The following MOK variants were observed in gnomAD, a reference collection of about 807,000 sequenced individuals.
MOK encodes the protein MAPK/MAK/MRK overlapping kinase.
A neutral mutation model predicts 54.2 loss-of-function variants in MOK; 59 were observed. The observed-to-expected ratio is 1.09, with a 90% CI of 0.88 to 1.35. The LOEUF (loss-of-function observed/expected upper bound fraction) is 1.35. Ranked by LOEUF, MOK falls within the 40% of genes most tolerant of loss-of-function variation. The pLI, the probability that MOK is intolerant of heterozygous loss-of-function variation, is 0.00. For missense variants in MOK, 517 were observed against 526.2 expected, an observed-to-expected ratio of 0.98 and a Z score of 0.17; for synonymous variants, 210 against 202.7, an observed-to-expected ratio of 1.04 and a Z score of -0.31.
rs189181986 is a variant in MOK at position 102,297,081 on chromosome 14, G to A, written c.7+7881C>T. Among the ~76,000 whole-genome samples, 15 of 146,000 alleles carry A rather than the reference G, an allele frequency of 1.0e-4. 1 individual carries two copies. Among genetic ancestry groups the A allele is most frequent in the Non-Finnish European group, 2.1e-4 (14 of 66,794 alleles). On this transcript the variant is annotated intron_variant, in intron 1 of 11. Coordinates refer to ENST00000361847, the MANE Select transcript of MOK (RefSeq NM_014226.3). The stretch of plus-strand genomic sequence containing the variant: ...TCAAAAAATAATAATAAATAGGCTG[G>A]GCACGGTGACTCACGCCTGTAATAC...
Position 102,242,541 on chromosome 14 carries a change from T to TAAGGG in MOK, c.590+8270_590+8271insCCCTT, listed in dbSNP as rs551967074. On this transcript the variant is annotated intron_variant, in intron 7 of 11. Transcript: ENST00000361847. ...ACCTCTACTCTCCCCTGGCAACTGA[T>TAAGGG]CACACACCCCTTACTATCCCATTAA... 5.9e-4 allele frequency among the ~76,000 whole-genome samples: 89 copies of TAAGGG among 151,968 alleles called. 1 individual carries two copies. Among genetic ancestry groups the TAAGGG allele is most frequent in the African/African-American group, 2.1e-3 (86 of 41,408 alleles).
At chr14:102,280,685 A>G (rs1239974357) in intron 2 of MOK, 1 of 152,218 alleles carries the variant, frequency 6.6e-6, no homozygotes, top group Non-Finnish European at 1.5e-5. Flanking sequence ...CTTAGTCGTC[A>G]AGCACTATGA....
the MOK span, chr14:102,214,755 G>A: frequency 1.1e-5 from 11 of 978,828 alleles, no homozygotes; most frequent in Non-Finnish European, 1.2e-5. Flanking sequence ...ATTTCATAAA[G>A]AGCCTTCCTA....
At chr14:102,271,448 C>A (rs1035690375) in intron 2 of MOK, among the ~76,000 whole-genome samples, 2 of 152,094 alleles carry the variant, frequency 1.3e-5, no homozygotes, top group African/African-American at 4.8e-5. Flanking sequence ...TGAATTATTT[C>A]AAACATTTAA....
chr14:102,299,167 GAAA>G (rs112937903), intron 1 of MOK, among the ~76,000 whole-genome samples: 2 of 146,480 alleles, frequency 1.4e-5, no homozygotes, highest in African/African-American at 2.5e-5. Flanking sequence ...TTCCATGGCG[GAAA>G]AAAAAAAAGA....
At chr14:102,255,440 G>GT (rs1166070882) in intron 4 of MOK, among the ~76,000 whole-genome samples, 2 of 152,202 alleles carry the variant, frequency 1.3e-5, no homozygotes, top group African/African-American at 4.8e-5. Context: ...TCAGTCCCAG[G>GT]TAAGAGTCCT....
chr14:102,257,903 G>A (rs2067097476), intron 4 of MOK, among the ~76,000 whole-genome samples: 2 of 151,778 alleles, frequency 1.3e-5, no homozygotes, highest in South Asian at 4.2e-4. Flanking sequence ...CTTGAATCCG[G>A]GAGGCAGAGG....
intron 4 of MOK, 62 bp downstream of exon 4, chr14:102,263,484 C>G (rs1022834134): frequency 8.6e-6 from 10 of 1,167,368 alleles, no homozygotes; most frequent in Non-Finnish European, 1.2e-5. Flanking sequence ...AATAACTAAG[C>G]ATATATGAAT....
the MOK span, among the ~76,000 whole-genome samples, chr14:102,218,990 G>A: frequency 6.6e-6 from 1 of 152,214 alleles, no homozygotes; most frequent in African/African-American, 2.4e-5. Context: ...GAAGGACAGG[G>A]TAAAACCCCA....
chr14:102,293,714 AAAAAAAAAAAAAG>A (rs1799838032), intron 1 of MOK, among the ~76,000 whole-genome samples: 3 of 150,546 alleles, frequency 2.0e-5, no homozygotes, highest in African/African-American at 7.3e-5. Context: ...AAAAAAAAAA[AAAAAAAAAAAAAG>A]AAAAGAAAAG....
chr14:102,289,660 T>G (rs2070532725), intron 1 of MOK, among the ~76,000 whole-genome samples: 1 of 152,062 alleles, frequency 6.6e-6, no homozygotes, highest in Non-Finnish European at 1.5e-5. Flanking sequence ...AAGCTAATTT[T>G]TGTATTTTTA....
rs751374158 is a variant in MOK at position 102,305,032 on chromosome 14, G to A, written c.-64C>T. ...TGGACGGAAAAGAAAGAAGCAGGAA[G>A]GTTGTCCCCCTGCTTTCCACTTCCC... On this transcript the variant is annotated 5_prime_UTR_variant, in exon 1 of 12. Transcript: ENST00000361847. The A allele has an allele frequency of 3.8e-6, 6 of 1,581,452 alleles. No individual in the cohort carries two copies. The Admixed American group carries it at 5.4e-5, about 14-fold the overall frequency.
downstream of MOK, among the ~76,000 whole-genome samples, chr14:102,220,943 T>C (rs1389421661): frequency 6.6e-6 from 1 of 152,032 alleles, no homozygotes; most frequent in Admixed American, 6.5e-5. This position sits in a 1 kb window ranked among gnomAD's most constrained non-coding sequence, Gnocchi z 4.2. Flanking sequence ...GCTAATTTTG[T>C]ATTAGTAGAG....
intron 3 of MOK, among the ~76,000 whole-genome samples, chr14:102,264,881 G>C (rs2067775104): frequency 6.6e-6 from 1 of 152,208 alleles, no homozygotes; most frequent in South Asian, 2.1e-4. Flanking sequence ...CCCTCTCAGA[G>C]TGTCAGTGCC....
intron 1 of MOK, among the ~76,000 whole-genome samples, chr14:102,296,208 T>C (rs1166837841): frequency 7.0e-6 from 1 of 143,292 alleles, no homozygotes; most frequent in East Asian, 2.0e-4. Context: ...ATCACGCCAC[T>C]GCACTCCAGC....
Position 102,305,130 on chromosome 14 carries a change from T to A in MOK, c.-162A>T, listed in dbSNP as rs1437211408. 4.7e-6 allele frequency: 4 copies of A among 845,572 alleles called. No homozygotes were observed. Among genetic ancestry groups the A allele is most frequent in the Non-Finnish European group, 5.8e-6 (3 of 517,838 alleles). The allele number at this position is 845,572 out of a possible 1,614,324, so 52.4% of individuals were successfully genotyped here. On this transcript the variant is annotated 5_prime_UTR_variant, in exon 1 of 12. Transcript: ENST00000361847. ...GAGCGTTAGAGATCCCGCCGCCATG[T>A]TGTGTCCCTGTCACCCTAGCAACCG...
chr14:102,256,837 T>G (rs938585384), intron 4 of MOK, among the ~76,000 whole-genome samples: 5 of 152,130 alleles, frequency 3.3e-5, no homozygotes, highest in Admixed American at 6.5e-5. Context: ...CTTCATAAAT[T>G]CCAAGACAGG....
At chr14:102,275,322 T>C (rs554462121) in intron 2 of MOK, among the ~76,000 whole-genome samples, 3 of 152,344 alleles carry the variant, frequency 2.0e-5, no homozygotes, top group African/African-American at 4.8e-5. Flanking sequence ...CCCAGCACTT[T>C]GGGAGGCCGA....
intron 4 of MOK, among the ~76,000 whole-genome samples, chr14:102,255,484 TCTC>T (rs999997243): frequency 7.9e-5 from 12 of 151,990 alleles, no homozygotes; most frequent in Admixed American, 6.6e-4. Flanking sequence ...CCTCCCTGGG[TCTC>T]CTCCTGGAAA....
Sources: gnomAD v4.1 joint callset for allele counts (sites outside exome capture counted in the v4.1 genomes callset) on GRCh38, gnomAD v4.1.1 for gene constraint, Gnocchi (gnomAD v3.1) non-coding constraint, MANE v1.5 for transcripts, NCBI Gene and HGNC (gene_info 2026-07-23, HGNC 2026-07-21) for gene names.